Variants in CFAP43 observed in about 807,000 individuals in gnomAD.
The protein encoded by CFAP43 is cilia and flagella associated protein 43.
A neutral mutation model predicts 218.9 loss-of-function variants in CFAP43; 155 were observed. The ratio of observed to expected loss-of-function variants is 0.71; its 90% confidence interval spans 0.62 to 0.81. CFAP43 has a LOEUF of 0.81. Among genes scored for constraint, CFAP43 ranks in the 30% least tolerant of loss-of-function variants. CFAP43 has a pLI of 0.00. For missense variants in CFAP43, 1,778 were observed against 1,954.3 expected (o/e 0.91, Z 1.70); for synonymous variants, 645 against 681.3 (o/e 0.95, Z 0.83).
At chr10:104,203,478 T>C in intron 8 of CFAP43, 194 bp downstream of exon 8, 1 of 484,784 alleles carries the variant, frequency 2.1e-6, no homozygotes, top group Non-Finnish European at 3.5e-6. Flanking sequence ...GCCCTTTCAG[T>C]TACATGCACA....
intron 8 of CFAP43, among the ~76,000 whole-genome samples, chr10:104,202,477 C>T (rs187262545): frequency 2.3e-4 from 35 of 152,206 alleles, no homozygotes; most frequent in African/African-American, 8.4e-4. Flanking sequence ...TGCCTCTGTC[C>T]CACTTTCTCC....
rs1293588075 is a variant in CFAP43 at position 104,184,929 on chromosome 10, G to T, written c.2141+87C>A. The T allele has an allele frequency of 1.1e-5, 17 of 1,527,844 alleles. No homozygotes were observed. The South Asian group carries it at 1.8e-4, about 16-fold the overall frequency. The allele number at this position is 1,527,844 out of a possible 1,614,324, so 94.6% of individuals were successfully genotyped here. A position where few individuals can be genotyped will look rare whatever the true frequency, so the allele number is the denominator to read the frequency against. ...TGCACTGGCAGTGGTCTCCCAGCAC[G>T]TTGGCCTTGCTGTACTTAAATAATA... is the stretch of plus-strand genomic sequence containing the variant. On this transcript the variant is annotated intron_variant, in intron 16 of 37. Transcript: ENST00000357060.
chr10:104,162,327 A>G lies in CFAP43; in HGVS notation c.3323T>C (p.Leu1108Pro). The G allele has an allele frequency of 6.2e-7, 1 of 1,614,090 alleles. No individual in the cohort carries two copies. Among genetic ancestry groups the G allele is most frequent in the African/African-American group, 1.3e-5 (1 of 75,072 alleles). Residue 1108 changes from leucine to proline, a missense_variant, in exon 25 of 38, where the codon CTT becomes CCT. Leu to Pro is a moderately conservative substitution (Grantham distance 98, BLOSUM62 -3). Around this residue, in one of 3 missense-constraint regions of CFAP43, gnomAD observed 1,553 missense variants for 1,685.2 expected, o/e 0.92. Coordinates refer to ENST00000357060, the MANE Select transcript of CFAP43 (RefSeq NM_025145.7). The part of the protein sequence containing the change: ...LIVNHEKEHW[L>P]LIQDASTRLR... ...AGCAAAGCTACATGCCTGTATCAGAAGCCAGTGCTCCTTTTCATGATTCAC... is the reference window on the plus strand; with the variant it reads ...AGCAAAGCTACATGCCTGTATCAGAGGCCAGTGCTCCTTTTCATGATTCAC...
At chr10:104,223,895 A>G (rs987627935) in intron 3 of CFAP43, among the ~76,000 whole-genome samples, 1 of 152,222 alleles carries the variant, frequency 6.6e-6, no homozygotes, top group Non-Finnish European at 1.5e-5. Context: ...TGTTGCATGA[A>G]AGAAGCCCGA....
In CFAP43 at chr10:104,131,444, T is replaced by C. The variant is rs1476440862; in HGVS notation, c.4718A>G (p.Lys1573Arg). 2 of 1,613,480 alleles carry C rather than the reference T, an allele frequency of 1.2e-6. No individual in the cohort carries two copies. The highest frequency in any genetic ancestry group is 1.7e-6 in the Non-Finnish European group (2 of 1,179,842). The change falls in exon 37 of 38, where the codon AAA becomes AGA. Residue 1573 changes from lysine (K) to arginine (R), a missense_variant. Coordinates refer to ENST00000357060, the MANE Select transcript of CFAP43 (RefSeq NM_025145.7). ...TTGATTGCTGAACTTTCCAAGTTTTTTGAGTAGTTTCTTGCAGTTTTCCAC... is the reference window on the plus strand; with the variant it reads ...TTGATTGCTGAACTTTCCAAGTTTTCTGAGTAGTTTCTTGCAGTTTTCCAC... Reference protein sequence around the residue: ...KNVENCKKLLKKLGKFSNQKD... With the variant: ...KNVENCKKLLRKLGKFSNQKD...
chr10:104,172,021 A>G (rs562213649), intron 20 of CFAP43, among the ~76,000 whole-genome samples: 2 of 152,316 alleles, frequency 1.3e-5, no homozygotes, highest in Non-Finnish European at 2.9e-5. Context: ...TAGAGTAGGA[A>G]GTGCTCAAAG....
intron 24 of CFAP43, 132 bp from the exon 25 acceptor site, chr10:104,162,535 T>C: frequency 1.4e-6 from 1 of 735,930 alleles, no homozygotes; most frequent in Non-Finnish European, 2.4e-6. Flanking sequence ...CACCCAATTT[T>C]CTGTTTTGGA....
At chr10:104,174,255 G>A (rs2089526734) in intron 19 of CFAP43, among the ~76,000 whole-genome samples, 2 of 152,110 alleles carry the variant, frequency 1.3e-5, no homozygotes, top group Admixed American at 1.3e-4. Flanking sequence ...ACCTGAGACT[G>A]GGCAATTTAC....
intron 30 of CFAP43, 90 bp from the exon 31 acceptor site, chr10:104,145,654 C>G: frequency 1.2e-6 from 1 of 806,062 alleles, no homozygotes; most frequent in South Asian, 2.3e-5. Flanking sequence ...GGTGGTAGCA[C>G]TTTGGTTTTA....
In CFAP43 at chr10:104,232,325, G is replaced by A; in HGVS notation, c.-79C>T. Reference sequence around the variant, plus strand: ...GGTCGGTTACCTTTCCGCCGCCGCGGGGCTGCGGGCCGCGACGCCGCTGCT... The same window carrying A: ...GGTCGGTTACCTTTCCGCCGCCGCGAGGCTGCGGGCCGCGACGCCGCTGCT... On this transcript the variant is annotated 5_prime_UTR_variant, in exon 1 of 38. Transcript: ENST00000357060. 7.2e-7 allele frequency: 1 copy of A among 1,392,750 alleles called. No homozygotes were observed. The highest frequency in any genetic ancestry group is 9.5e-7 in the Non-Finnish European group (1 of 1,053,248). 86.3% of individuals were successfully genotyped at this position (1,392,750 alleles called of 1,614,324 possible).
chr10:104,181,572 G>C (rs1242438206), intron 17 of CFAP43, among the ~76,000 whole-genome samples: 6 of 152,114 alleles, frequency 3.9e-5, no homozygotes, highest in African/African-American at 1.2e-4. Context: ...AAAGCCCTTC[G>C]TTACCTGGTC....
intron 17 of CFAP43, among the ~76,000 whole-genome samples, chr10:104,181,459 C>G (rs1392701133): frequency 6.6e-6 from 1 of 152,224 alleles, no homozygotes; most frequent in African/African-American, 2.4e-5. Context: ...ATCAAATAGT[C>G]ATTTCAATAA....
At position 104,193,991 on chromosome 10, in the gene CFAP43, T is replaced by C; in HGVS notation, c.1317A>G (p.Pro439=). The C allele has an allele frequency of 6.2e-7, 1 of 1,613,894 alleles. No homozygotes were observed. Among genetic ancestry groups the C allele is most frequent in the East Asian group, 2.2e-5 (1 of 44,882 alleles). The part of the protein sequence containing the change: ...NTLATVLACC[P]SSLSAAVGTE... ...TGCCCACGGCTGCAGAGAGGGAGGA[T>C]GGACAGCAAGCCAGAACCGTTGCCT... Residue 439 remains proline (P), a synonymous_variant, in exon 11 of 38, where the codon CCA becomes CCG. Transcript: ENST00000357060.
intron 23 of CFAP43, among the ~76,000 whole-genome samples, chr10:104,165,715 G>C (rs1007790091): frequency 9.9e-5 from 15 of 152,180 alleles, no homozygotes; most frequent in Non-Finnish European, 1.5e-5. Context: ...TAGGAGCTTA[G>C]AGCCAGAGGG....
intron 3 of CFAP43, among the ~76,000 whole-genome samples, chr10:104,221,312 G>A (rs888582448): frequency 5.3e-5 from 8 of 152,144 alleles, no homozygotes; most frequent in Non-Finnish European, 1.0e-4. Flanking sequence ...AATTGCTATG[G>A]TCTGTTTGTG....
At chr10:104,230,163 T>C (rs1279937334) in intron 2 of CFAP43, among the ~76,000 whole-genome samples, 1 of 148,392 alleles carries the variant, frequency 6.7e-6, no homozygotes, top group Non-Finnish European at 1.5e-5. Context: ...TCTTTAAAAA[T>C]GTATATTAAA....
At position 104,206,091 on chromosome 10, in the gene CFAP43, G is replaced by A. The variant is rs1020211237; in HGVS notation, c.896-61C>T. 354 of 1,333,808 alleles carry A rather than the reference G, an allele frequency of 2.7e-4. 1 individual carries two copies. The highest frequency in any genetic ancestry group is 4.2e-4 in the Middle Eastern group (2 of 4,806). The allele number at this position is 1,333,808 out of a possible 1,614,324, so 82.6% of individuals were successfully genotyped here. On this transcript the variant is annotated intron_variant, in intron 6 of 37. Coordinates refer to ENST00000357060, the MANE Select transcript of CFAP43 (RefSeq NM_025145.7). ...GTAATTAAAAGTACAATGTAACAAT[G>A]AATAATAAAAGCTACTTTTACTGAT...
rs2088315023 is a variant in CFAP43 at position 104,152,501 on chromosome 10, G to C, written c.3660+106C>G. On this transcript the variant is annotated intron_variant, in intron 28 of 37. Transcript: ENST00000357060. The stretch of plus-strand genomic sequence containing the variant: ...ACTGGAGAGGGACGCAGGGCCCAGA[G>C]CATACAAGATCTTAGTACCTGGTAA... The C allele has an allele frequency of 2.7e-6, 4 of 1,489,828 alleles. No individual in the cohort carries two copies. The African/African-American group carries it at 5.7e-5, about 21-fold the overall frequency. 92.3% of individuals were successfully genotyped at this position (1,489,828 alleles called of 1,614,324 possible). A position where few individuals can be genotyped will look rare whatever the true frequency, so the allele number is the denominator to read the frequency against.
intron 3 of CFAP43, among the ~76,000 whole-genome samples, chr10:104,220,967 T>C (rs2091162326): frequency 1.3e-5 from 2 of 151,556 alleles, no homozygotes; most frequent in Admixed American, 6.6e-5. Flanking sequence ...TGTGTGTGTG[T>C]GTGTGTGTGT....
Sources: gnomAD v4.1 joint callset for allele counts (sites outside exome capture counted in the v4.1 genomes callset) on GRCh38, gnomAD v4.1.1 for gene constraint, gnomAD v4.1.1 regional missense constraint, MANE v1.5 for transcripts, NCBI Gene and HGNC (gene_info 2026-07-23, HGNC 2026-07-21) for gene names.